The following MAD1L1 variants were observed in gnomAD, a reference collection of about 807,000 sequenced individuals.
The protein encoded by MAD1L1 is mitotic arrest deficient 1 like 1, also known as mitotic spindle assembly checkpoint protein MAD1.
A neutral mutation model predicts 96.9 loss-of-function variants in MAD1L1; 95 were observed. The ratio of observed to expected loss-of-function variants is 0.98; its 90% CI spans 0.83 to 1.16. The LOEUF (loss-of-function observed/expected upper bound fraction) is 1.16, where lower values mean the gene tolerates loss of function less well. MAD1L1 is among the 50% of genes most tolerant of loss of function. MAD1L1 has a pLI of 0.00. For missense variants in MAD1L1, 1,007 were observed against 954.4 expected, an observed-to-expected ratio of 1.06 and a Z score of -0.73; for synonymous variants, 473 against 396.6, an observed-to-expected ratio of 1.19 and a Z score of -2.29.
At chr7:1,957,859 TCA>T (rs1424513987) in intron 15 of MAD1L1, 140 bp from the exon 16 acceptor site, 2 of 695,576 alleles carry the variant, frequency 2.9e-6, no homozygotes, top group Non-Finnish European at 4.9e-6. Context: ...TGTGAAGCTC[TCA>T]GAGTCCAGCG....
chr7:1,970,324 A>C (rs1458405752), intron 15 of MAD1L1, among the ~76,000 whole-genome samples: 1 of 143,212 alleles, frequency 7.0e-6, no homozygotes, highest in Non-Finnish European at 1.5e-5. Flanking sequence ...TATAATTTTA[A>C]TTTTTACTTT....
intron 18 of MAD1L1, among the ~76,000 whole-genome samples, chr7:1,872,347 G>T (rs930404412): frequency 2.0e-5 from 3 of 152,208 alleles, no homozygotes; most frequent in Non-Finnish European, 2.9e-5. Flanking sequence ...CCCAGGAAGT[G>T]AGGCCCCTGG....
At chr7:1,975,013 G>A (rs745960804) in intron 15 of MAD1L1, among the ~76,000 whole-genome samples, 25 of 152,254 alleles carry the variant, frequency 1.6e-4, no homozygotes, top group Admixed American at 1.5e-3. Context: ...CACCTGCAGA[G>A]CCCAGGCGCA....
At chr7:1,903,179 C>T (rs114913726) in intron 17 of MAD1L1, among the ~76,000 whole-genome samples, 146 of 150,510 alleles carry the variant, frequency 9.7e-4, no homozygotes, top group African/African-American at 3.1e-3. Context: ...AGCAAGCACA[C>T]GGTGGCCTAT....
intron 17 of MAD1L1, among the ~76,000 whole-genome samples, chr7:1,903,283 G>A (rs1787381330): frequency 2.0e-5 from 3 of 151,056 alleles, no homozygotes; most frequent in African/African-American, 4.9e-5. Context: ...CGGAATTCAT[G>A]ATTGATGAAG....
chr7:1,889,178 G>A (rs1032869052), intron 18 of MAD1L1, among the ~76,000 whole-genome samples: 1 of 152,136 alleles, frequency 6.6e-6, no homozygotes, highest in Non-Finnish European at 1.5e-5. Context: ...ATGTGTCCAG[G>A]TCCCGGGGCT....
intron 10 of MAD1L1, among the ~76,000 whole-genome samples, chr7:2,185,297 C>T (rs934865587): frequency 6.6e-6 from 1 of 151,612 alleles, no homozygotes; most frequent in Non-Finnish European, 1.5e-5. Context: ...TTCAAGAACA[C>T]ACAAAACTAA....
At chr7:1,824,493 A>G (rs7806394) in intron 18 of MAD1L1, among the ~76,000 whole-genome samples, 63,672 of 152,024 alleles carry the variant, frequency 0.42, 13,510 homozygotes, top group Non-Finnish European at 0.45. Context: ...CCATGAGGAC[A>G]GCAGCTGCCC....
intron 12 of MAD1L1, among the ~76,000 whole-genome samples, chr7:2,036,781 G>A (rs1050706414): frequency 6.6e-6 from 1 of 152,110 alleles, no homozygotes; most frequent in Non-Finnish European, 1.5e-5. Flanking sequence ...GGCAGTACAG[G>A]GAGCCCAAGC....
chr7:1,917,700 G>A (rs1788500052), intron 17 of MAD1L1, among the ~76,000 whole-genome samples: 1 of 152,222 alleles, frequency 6.6e-6, no homozygotes, highest in Non-Finnish European at 1.5e-5. Context: ...ACCGTAGCAA[G>A]AGCAAGAGGG....
At chr7:1,830,249 T>G (rs1782638139) in intron 18 of MAD1L1, among the ~76,000 whole-genome samples, 1 of 151,930 alleles carries the variant, frequency 6.6e-6, no homozygotes, top group Admixed American at 6.6e-5. Context: ...ATACAAAAAT[T>G]GGCCACGTGC....
intron 12 of MAD1L1, among the ~76,000 whole-genome samples, chr7:2,025,528 A>T (rs1472242505): frequency 6.6e-6 from 1 of 152,244 alleles, no homozygotes; most frequent in Non-Finnish European, 1.5e-5. Flanking sequence ...TCAGCATTAA[A>T]TCTGTATCAA....
chr7:2,072,126 G>A (rs1024588993), intron 11 of MAD1L1, among the ~76,000 whole-genome samples: 13 of 152,098 alleles, frequency 8.5e-5, no homozygotes, highest in African/African-American at 2.7e-4. Context: ...TGCGGCTCGC[G>A]ACCAGCACCA....
intron 16 of MAD1L1, among the ~76,000 whole-genome samples, chr7:1,954,321 G>A (rs888280468): frequency 7.2e-5 from 11 of 152,208 alleles, no homozygotes; most frequent in Admixed American, 2.0e-4. Context: ...AGGCCAGGCT[G>A]CAGCCAGTGG....
At chr7:2,080,559 T>C (rs1785591191) in intron 11 of MAD1L1, among the ~76,000 whole-genome samples, 2 of 36,032 alleles carry the variant, frequency 5.6e-5, no homozygotes, top group African/African-American at 2.4e-4. Context: ...TCCCCCACGA[T>C]CACAGGCCTC....
intron 10 of MAD1L1, among the ~76,000 whole-genome samples, chr7:2,183,029 T>C (rs916686166): frequency 1.3e-5 from 2 of 151,954 alleles, no homozygotes; most frequent in Admixed American, 6.6e-5. Context: ...TCAAGTCCAG[T>C]CTGGACAACA....
intron 12 of MAD1L1, among the ~76,000 whole-genome samples, chr7:2,029,586 A>T (rs1044486496): frequency 6.6e-6 from 1 of 151,830 alleles, no homozygotes; most frequent in Non-Finnish European, 1.5e-5. Context: ...TTTTTTTTTT[A>T]AACGGAACTC....
At chr7:2,174,010 C>A (rs897761614) in intron 10 of MAD1L1, among the ~76,000 whole-genome samples, 2 of 152,144 alleles carry the variant, frequency 1.3e-5, no homozygotes, top group Non-Finnish European at 2.9e-5. Flanking sequence ...TGGGGTCTCA[C>A]TCTCCTATAC....
At position 2,002,949 on chromosome 7, in the gene MAD1L1, T is replaced by TTGGC. The variant is rs1781866171; in HGVS notation, c.1360-832_1360-829dup. Among the ~76,000 whole-genome samples, 6 of 5,916 alleles carry TTGGC rather than the reference T, an allele frequency of 1.0e-3. No homozygotes were observed. The South Asian group carries it at 0.016, about 16-fold the overall frequency. The allele number at this position is 5,916 out of a possible 152,430, so 3.9% of individuals were successfully genotyped here. A position where few individuals can be genotyped will look rare whatever the true frequency, so the allele number is the denominator to read the frequency against. On this transcript the variant is annotated intron_variant, in intron 13 of 18. Coordinates refer to ENST00000265854, the MANE Select transcript of MAD1L1 (RefSeq NM_001013836.2). ...TCCTGACTCCTTCCCACGACCCCGC[T>TTGGC]TGGCTCCCCACTGCCCCCACCACCT...
Sources: gnomAD v4.1 joint callset for allele counts (sites outside exome capture counted in the v4.1 genomes callset) on GRCh38, gnomAD v4.1.1 for gene constraint, MANE v1.5 for transcripts, NCBI Gene and HGNC (gene_info 2026-07-23, HGNC 2026-07-21) for gene names.